The following HHIP variants were observed in gnomAD, a reference collection of about 807,000 sequenced individuals.
HHIP encodes hedgehog-interacting protein.
In HHIP, 12 loss-of-function variants were observed where a neutral mutation model predicts 74.0. That is an observed-to-expected ratio of 0.16 (90% CI 0.10 to 0.26). The LOEUF is 0.26. HHIP is among the 10% of genes least tolerant of loss of function. The pLI is 1.00. For synonymous variants in HHIP, 309 were observed against 311.6 expected, an observed-to-expected ratio of 0.99 and a Z score of 0.09; for missense variants, 788 against 845.0, an observed-to-expected ratio of 0.93 and a Z score of 0.84.
intron 4 of HHIP, among the ~76,000 whole-genome samples, chr4:144,666,697 A>C (rs2126599559): frequency 6.6e-6 from 1 of 152,304 alleles, no homozygotes; most frequent in Non-Finnish European, 1.5e-5. Flanking sequence ...GAGCATGTTA[A>C]GAAAACAAGA....
intron 11 of HHIP, among the ~76,000 whole-genome samples, chr4:144,732,523 G>A (rs1411781233): frequency 2.0e-5 from 3 of 152,132 alleles, no homozygotes; most frequent in Non-Finnish European, 4.4e-5. Flanking sequence ...CAGAGAAACA[G>A]GGGTCAGACA....
chr4:144,668,665 TC>T (rs1728945426), intron 4 of HHIP, among the ~76,000 whole-genome samples: 1 of 151,804 alleles, frequency 6.6e-6, no homozygotes, highest in Non-Finnish European at 1.5e-5. Flanking sequence ...GGTAGGAGAA[TC>T]GCTTGAACCT....
intron 4 of HHIP, among the ~76,000 whole-genome samples, chr4:144,698,835 A>T (rs1729896420): frequency 1.3e-5 from 2 of 152,192 alleles, no homozygotes. Flanking sequence ...TTTAGTAGAA[A>T]AAACAAGTCA....
chr4:144,728,837 T>C (rs1730869632), intron 11 of HHIP, among the ~76,000 whole-genome samples: 1 of 152,160 alleles, frequency 6.6e-6, no homozygotes, highest in African/African-American at 2.4e-5. Flanking sequence ...GGTTGTATTA[T>C]AAATATATGA....
chr4:144,737,722 A>T, intron 12 of HHIP, 42 bp from the exon 13 acceptor site: 1 of 1,502,482 alleles, frequency 6.7e-7, no homozygotes, highest in South Asian at 1.4e-5. Flanking sequence ...TTTCTGACAT[A>T]CAGAATGAGA....
At chr4:144,710,255 G>C (rs886839372) in intron 7 of HHIP, among the ~76,000 whole-genome samples, 2 of 152,186 alleles carry the variant, frequency 1.3e-5, no homozygotes, top group African/African-American at 4.8e-5. Flanking sequence ...AAAGGTAATA[G>C]AGGAAAATGT....
In HHIP at chr4:144,738,880, C is replaced by A; in HGVS notation, c.*923C>A. The A allele has an allele frequency of 6.0e-6, 1 of 167,428 alleles. No individual in the cohort carries two copies. The highest frequency in any genetic ancestry group is 1.2e-5 in the Non-Finnish European group (1 of 81,568). 10.4% of individuals were successfully genotyped at this position (167,428 alleles called of 1,614,324 possible). The stretch of plus-strand genomic sequence containing the variant: ...CCTTGTGCCAACATGTAATCATTAA[C>A]GACGGATGAAAAAGCAAGAAAACAG... On this transcript the variant is annotated 3_prime_UTR_variant, in exon 13 of 13. Coordinates refer to ENST00000296575, the MANE Select transcript of HHIP (RefSeq NM_022475.3).
intron 2 of HHIP, 73 bp from the exon 3 acceptor site, chr4:144,658,717 T>C: frequency 7.7e-7 from 1 of 1,297,588 alleles, no homozygotes; most frequent in Non-Finnish European, 1.1e-6. Context: ...TTTCCTCATC[T>C]TATATCTTTC....
At chr4:144,661,122 A>G (rs569263767) in intron 4 of HHIP, among the ~76,000 whole-genome samples, 27 of 152,246 alleles carry the variant, frequency 1.8e-4, no homozygotes, top group African/African-American at 5.5e-4. Flanking sequence ...TTCTACCTCA[A>G]TTTGACTGCC....
chr4:144,680,719 A>C (rs1485616188), intron 4 of HHIP, among the ~76,000 whole-genome samples: 1 of 152,208 alleles, frequency 6.6e-6, no homozygotes, highest in Non-Finnish European at 1.5e-5. Flanking sequence ...GAAGAACTCT[A>C]TTTTTACATG....
At position 144,664,179 on chromosome 4, in the gene HHIP, G is replaced by T. The variant is rs188136220; in HGVS notation, c.831+4341G>T. 1.5e-3 allele frequency among the ~76,000 whole-genome samples: 222 copies of T among 152,298 alleles called. 2 individuals carry two copies. Among genetic ancestry groups the T allele is most frequent in the African/African-American group, 4.7e-3 (197 of 41,558 alleles). On this transcript the variant is annotated intron_variant, in intron 4 of 12. Transcript: ENST00000296575. ...ATCTACTTGGACCCTCATTTCAAAA[G>T]ATGCTTTTAGAAGCAGTCCTTTAAC...
chr4:144,669,154 A>G (rs772115054), intron 4 of HHIP, among the ~76,000 whole-genome samples: 17 of 152,208 alleles, frequency 1.1e-4, no homozygotes, highest in Non-Finnish European at 2.2e-4. Context: ...GCTATTACAA[A>G]TCAAAGTGCC....
chr4:144,689,175 T>A (rs1026199039), intron 4 of HHIP, among the ~76,000 whole-genome samples: 2 of 152,250 alleles, frequency 1.3e-5, no homozygotes, highest in Non-Finnish European at 2.9e-5. Context: ...ATGTATTTTA[T>A]TTCATTCAGA....
chr4:144,671,060 A>C (rs1729024385), intron 4 of HHIP, among the ~76,000 whole-genome samples: 1 of 152,144 alleles, frequency 6.6e-6, no homozygotes, highest in African/African-American at 2.4e-5. Flanking sequence ...AAAGTCACAT[A>C]GTTCATCCTC....
Position 144,677,790 on chromosome 4 carries a change from A to C in HHIP, c.831+17952A>C, listed in dbSNP as rs1266682256. Among the ~76,000 whole-genome samples, 4 of 152,228 alleles carry C rather than the reference A, an allele frequency of 2.6e-5. No individual in the cohort carries two copies. In the East Asian group the frequency reaches 7.7e-4, roughly 29 times the overall value. On this transcript the variant is annotated intron_variant, in intron 4 of 12. Coordinates refer to ENST00000296575, the MANE Select transcript of HHIP (RefSeq NM_022475.3). ...TGTTAGAGACATTTAAGGTTTATAA[A>C]GCAACCCAAATTAAGGCTTTTGCTT...
chr4:144,716,488 T>G (rs1050973981), intron 10 of HHIP, among the ~76,000 whole-genome samples: 5 of 152,150 alleles, frequency 3.3e-5, no homozygotes, highest in Non-Finnish European at 7.4e-5. Context: ...ACCAGAAAGA[T>G]ACTTCCCCTA....
At chr4:144,733,475 C>A (rs1199423047) in intron 11 of HHIP, among the ~76,000 whole-genome samples, 1 of 151,856 alleles carries the variant, frequency 6.6e-6, no homozygotes, top group East Asian at 1.9e-4. Flanking sequence ...AGATCAGGAC[C>A]CAAATTATCA....
chr4:144,669,390 CT>C (rs1249432685), intron 4 of HHIP, among the ~76,000 whole-genome samples: 1 of 152,180 alleles, frequency 6.6e-6, no homozygotes, highest in African/African-American at 2.4e-5. Flanking sequence ...CACAGTGGCA[CT>C]CAGGAATTAT....
At chr4:144,730,828 A>T (rs567445230) in intron 11 of HHIP, among the ~76,000 whole-genome samples, 3 of 152,156 alleles carry the variant, frequency 2.0e-5, no homozygotes, top group Non-Finnish European at 4.4e-5. Context: ...TGTCACCATT[A>T]CAAAGAGTTA....
Sources: gnomAD v4.1 joint callset for allele counts (sites outside exome capture counted in the v4.1 genomes callset) on GRCh38, gnomAD v4.1.1 for gene constraint, MANE v1.5 for transcripts, NCBI Gene and HGNC (gene_info 2026-07-23, HGNC 2026-07-21) for gene names.